The following MGAT4C variants were observed in gnomAD, a reference collection of about 807,000 sequenced individuals.
The protein encoded by MGAT4C is alpha-1,3-mannosyl-glycoprotein 4-beta-N-acetylglucosaminyltransferase C.
Under a neutral mutation model 40.1 loss-of-function variants are expected in MGAT4C, and 19 were observed. The observed-to-expected ratio is 0.47, with a 90% CI of 0.33 to 0.70. The LOEUF (loss-of-function observed/expected upper bound fraction) is 0.70. Among genes scored for constraint, MGAT4C ranks in the 30% least tolerant of loss-of-function variants. MGAT4C has a pLI of 0.02. For synonymous variants in MGAT4C, 181 were observed against 187.1 expected, an observed-to-expected ratio of 0.97 and a Z score of 0.27; for missense variants, 491 against 563.2, an observed-to-expected ratio of 0.87 and a Z score of 1.30.
chr12:86,082,746 G>A (rs1478546456), intron 1 of MGAT4C, among the ~76,000 whole-genome samples: 1 of 151,992 alleles, frequency 6.6e-6, no homozygotes, highest in African/African-American at 2.4e-5. Context: ...AAAAATTAGT[G>A]TTATGGGAAA....
chr12:86,706,331 T>C (rs1326104967), intron 2 of MGAT4C, among the ~76,000 whole-genome samples: 5 of 152,190 alleles, frequency 3.3e-5, no homozygotes, highest in Non-Finnish European at 7.3e-5. Context: ...ATTCTGAGAA[T>C]TGGATTTTTT....
chr12:86,380,979 A>G (rs929391956), intron 3 of MGAT4C, among the ~76,000 whole-genome samples: 5 of 152,220 alleles, frequency 3.3e-5, no homozygotes, highest in African/African-American at 1.2e-4. Flanking sequence ...AGGCCAATTT[A>G]TACAATAAAA....
At chr12:86,783,687 C>G (rs1430642090) in intron 1 of MGAT4C, among the ~76,000 whole-genome samples, 1 of 152,230 alleles carries the variant, frequency 6.6e-6, no homozygotes, top group East Asian at 1.9e-4. Context: ...ACTAAAAAGC[C>G]TCACTCATTT....
At chr12:86,071,364 C>T (rs1489242430) in intron 1 of MGAT4C, among the ~76,000 whole-genome samples, 1 of 151,982 alleles carries the variant, frequency 6.6e-6, no homozygotes, top group East Asian at 1.9e-4. Flanking sequence ...CAGACAGACC[C>T]AATTGTTTTT....
intron 2 of MGAT4C, among the ~76,000 whole-genome samples, chr12:86,693,330 T>G (rs1472630462): frequency 6.6e-6 from 1 of 152,216 alleles, no homozygotes; most frequent in Non-Finnish European, 1.5e-5. Flanking sequence ...CTTCTCTTGG[T>G]TATTTTTTCT....
intron 3 of MGAT4C, among the ~76,000 whole-genome samples, chr12:86,350,856 G>A (rs1001830360): frequency 6.6e-6 from 1 of 151,890 alleles, no homozygotes; most frequent in African/African-American, 2.4e-5. Context: ...ATTTCTGGTG[G>A]TAATACAAAT....
chr12:86,481,997 C>T (rs1023308434), intron 2 of MGAT4C, among the ~76,000 whole-genome samples: 3 of 151,074 alleles, frequency 2.0e-5, no homozygotes, highest in Non-Finnish European at 4.4e-5. Flanking sequence ...TAAAATATCC[C>T]TGATAGTGAC....
intron 1 of MGAT4C, among the ~76,000 whole-genome samples, chr12:86,223,388 G>C (rs1950955539): frequency 6.6e-6 from 1 of 152,020 alleles, no homozygotes; most frequent in Non-Finnish European, 1.5e-5. Context: ...TGCTACCCAA[G>C]GACAAAAAAG....
chr12:86,551,114 G>A (rs1388724849), intron 2 of MGAT4C, among the ~76,000 whole-genome samples: 1 of 152,176 alleles, frequency 6.6e-6, no homozygotes, highest in Non-Finnish European at 1.5e-5. Context: ...CCTGTATCCA[G>A]GCTAGAAAAA....
intron 2 of MGAT4C, among the ~76,000 whole-genome samples, chr12:86,681,337 T>C (rs1452540980): frequency 1.3e-5 from 2 of 151,980 alleles, no homozygotes; most frequent in African/African-American, 4.8e-5. Context: ...CTTATGACAA[T>C]TACTTTATAG....
intron 2 of MGAT4C, among the ~76,000 whole-genome samples, chr12:85,994,248 T>G (rs1886334656): frequency 6.6e-6 from 1 of 152,236 alleles, no homozygotes; most frequent in South Asian, 2.1e-4. Context: ...GACAGTCGTC[T>G]AAATTCTAAT....
intron 1 of MGAT4C, among the ~76,000 whole-genome samples, chr12:86,091,948 G>A (rs1872966260): frequency 2.6e-5 from 4 of 152,044 alleles, no homozygotes. Flanking sequence ...ATGCTTTCTA[G>A]TATCACAGGA....
At chr12:86,441,816 T>A (rs942319648) in intron 2 of MGAT4C, among the ~76,000 whole-genome samples, 1 of 152,112 alleles carries the variant, frequency 6.6e-6, no homozygotes, top group Non-Finnish European at 1.5e-5. Context: ...TACATGTGCA[T>A]GTGCTTTTAT....
At chr12:86,345,107 C>T (rs1268394727) in intron 3 of MGAT4C, among the ~76,000 whole-genome samples, 2 of 151,720 alleles carry the variant, frequency 1.3e-5, no homozygotes, top group Non-Finnish European at 2.9e-5. Context: ...ACAAATGATA[C>T]CCAACATAAT....
rs144546997 is a variant in MGAT4C at position 86,056,120 on chromosome 12, C to T, written c.-56-6397G>A. Among the ~76,000 whole-genome samples the T allele has an allele frequency of 2.0e-5, 3 of 152,214 alleles. 1 individual carries two copies. The highest frequency in any genetic ancestry group is 7.2e-5 in the African/African-American group (3 of 41,562). On this transcript the variant is annotated intron_variant, in intron 1 of 4. Coordinates refer to ENST00000611864, the MANE Select transcript of MGAT4C (RefSeq NM_001351288.2). ...TAATGAGTTCTGTACTCACTAAAGC[C>T]TTTACTTTGCCATTAACTTGTTAGC... is the stretch of plus-strand genomic sequence containing the variant.
rs183636003 is a variant in MGAT4C at position 86,736,601 on chromosome 12, A to C, written c.-261-9360T>G. On this transcript the variant is annotated intron_variant, in intron 1 of 7. Coordinates refer to the MGAT4C transcript ENST00000548651. ...AGGGAAAACCAAACACCCAGGACTG[A>C]CTCTCCTTTAAGATCATGAGCACTA... Among the ~76,000 whole-genome samples, 336 of 151,596 alleles carry C rather than the reference A, an allele frequency of 2.2e-3. 1 individual carries two copies. The highest frequency in any genetic ancestry group is 7.8e-3 in the African/African-American group (323 of 41,444).
At chr12:86,612,664 C>T (rs778063470) in intron 2 of MGAT4C, among the ~76,000 whole-genome samples, 102 of 148,478 alleles carry the variant, frequency 6.9e-4, no homozygotes, top group Non-Finnish European at 3.1e-4. Flanking sequence ...CGCTTGAATC[C>T]GGGAAGCGAA....
At chr12:86,275,693 C>A (rs1953060318) in intron 4 of MGAT4C, among the ~76,000 whole-genome samples, 1 of 151,960 alleles carries the variant, frequency 6.6e-6, no homozygotes, top group African/African-American at 2.4e-5. Context: ...AGGCCATTTG[C>A]CAAATAATTC....
intron 2 of MGAT4C, among the ~76,000 whole-genome samples, chr12:86,650,316 G>C (rs1194621933): frequency 6.6e-6 from 1 of 151,872 alleles, no homozygotes; most frequent in Non-Finnish European, 1.5e-5. Context: ...AAACATAGTT[G>C]TGCTTCTGCA....
Sources: gnomAD v4.1 joint callset for allele counts (sites outside exome capture counted in the v4.1 genomes callset) on GRCh38, gnomAD v4.1.1 for gene constraint, MANE v1.5 for transcripts, NCBI Gene and HGNC (gene_info 2026-07-23, HGNC 2026-07-21) for gene names.